The following SRA1 variants were observed in gnomAD, a reference collection of about 807,000 sequenced individuals.
The protein encoded by SRA1 is lncRNA SRA.
Under a neutral mutation model 24.3 loss-of-function variants are expected in SRA1, and 25 were observed. That is an observed-to-expected ratio of 1.03 (90% confidence interval 0.75 to 1.43). The LOEUF is 1.43. Among genes scored for constraint, SRA1 ranks in the 40% most tolerant of loss-of-function variants. The pLI, the probability that SRA1 is intolerant of heterozygous loss-of-function variation, is 0.00. For synonymous variants in SRA1, 104 were observed against 109.5 expected, an observed-to-expected ratio of 0.95 and a Z score of 0.31; for missense variants, 303 against 286.6, an observed-to-expected ratio of 1.06 and a Z score of -0.41.
chr5:140,557,106 C>CAG, intron 2 of SRA1, 41 bp downstream of exon 2: 1 of 1,222,968 alleles, frequency 8.2e-7, no homozygotes, highest in East Asian at 2.6e-5. Flanking sequence ...CCCCCCCCCC[C>CAG]CCATTCTCCG....
chr5:140,551,149 G>A lies in SRA1; in HGVS notation c.375C>T (p.Ile125=), dbSNP rs1419877548. Residue 125 remains isoleucine, a synonymous_variant, in exon 4 of 5, where the codon ATC becomes ATT. Transcript: ENST00000336283. The part of the protein sequence containing the change: ...GHTRKQVCDD[I]SRRLALLQEQ... Reference sequence around the variant, plus strand: ...CCTGCAGCAGTGCCAGGCGTCGGCTGATGTCATCACATACCTGCTTCTAAG... The same window carrying A: ...CCTGCAGCAGTGCCAGGCGTCGGCTAATGTCATCACATACCTGCTTCTAAG... 6.2e-7 allele frequency: 1 copy of A among 1,614,122 alleles called. No individual in the cohort carries two copies. Among genetic ancestry groups the A allele is most frequent in the East Asian group, 2.2e-5 (1 of 44,882 alleles).
At chr5:140,555,919 C>T (rs1754681561) in intron 2 of SRA1, among the ~76,000 whole-genome samples, 1 of 152,200 alleles carries the variant, frequency 6.6e-6, no homozygotes, top group Non-Finnish European at 1.5e-5. Context: ...GCCTATATTA[C>T]CATAATAGCT....
chr5:140,556,280 T>G (rs1203197484), intron 2 of SRA1, among the ~76,000 whole-genome samples: 1 of 151,898 alleles, frequency 6.6e-6, no homozygotes, highest in Non-Finnish European at 1.5e-5. Context: ...TGAGCCCCTT[T>G]ATGGGGGCCA....
At chr5:140,554,599 T>C (rs114536887) in intron 2 of SRA1, among the ~76,000 whole-genome samples, 448 of 152,316 alleles carry the variant, frequency 2.9e-3, no homozygotes, top group Admixed American at 5.0e-3. Flanking sequence ...TGTAACTATC[T>C]TCTCTTGCAT....
At position 140,557,463 on chromosome 5, in the gene SRA1, G is replaced by C; in HGVS notation, c.-11C>G. On this transcript the variant is annotated 5_prime_UTR_variant, in exon 1 of 5. Coordinates refer to ENST00000336283, the MANE Select transcript of SRA1 (RefSeq NM_001035235.4). ...GTACAGCTCCGCCATCTCCACTTCCGCTTGGCCAGCGGGGCAGCGCGTCAT... is the reference window on the plus strand; with the variant it reads ...GTACAGCTCCGCCATCTCCACTTCCCCTTGGCCAGCGGGGCAGCGCGTCAT... The C allele has an allele frequency of 6.4e-7, 1 of 1,555,304 alleles. No homozygotes were observed. Among genetic ancestry groups the C allele is most frequent in the Non-Finnish European group, 8.7e-7 (1 of 1,151,286 alleles).
At chr5:140,557,788 T>G, upstream of SRA1, 2 of 466,548 alleles carry the variant, frequency 4.3e-6, no homozygotes, top group Non-Finnish European at 7.6e-6. Flanking sequence ...CCAGGTTGAC[T>G]TCTACAGCCT....
Position 140,550,402 on chromosome 5 carries a change from G to A in SRA1, c.*298C>T. ...AGCAGATCCCTTCCTGATGAATGGA[G>A]AAGGGAGAACAGAGGTTTGCAGATA... On this transcript the variant is annotated 3_prime_UTR_variant, in exon 5 of 5. Transcript: ENST00000336283. The A allele has an allele frequency of 2.3e-6, 1 of 443,740 alleles. No homozygotes were observed. Among genetic ancestry groups the A allele is most frequent in the South Asian group, 2.6e-5 (1 of 39,044 alleles). The allele number at this position is 443,740 out of a possible 1,614,324, so 27.5% of individuals were successfully genotyped here. A position where few individuals can be genotyped will look rare whatever the true frequency, so the allele number is the denominator to read the frequency against.
In SRA1 at chr5:140,554,785, TCTC is replaced by T. The variant is rs373202094; in HGVS notation, c.151+2359_151+2361del. Reference sequence around the variant, plus strand: ...GTCACTCTCTCTACTTTTCACATTCTCTCCTCAGCCCATTCCAGCTGTTTCTGT... The same window carrying T: ...GTCACTCTCTCTACTTTTCACATTCTCTCAGCCCATTCCAGCTGTTTCTGT... On this transcript the variant is annotated intron_variant, in intron 2 of 4. Transcript: ENST00000336283. Among the ~76,000 whole-genome samples, 557 of 152,318 alleles carry T rather than the reference TCTC, an allele frequency of 3.7e-3. 7 individuals carry two copies. Among genetic ancestry groups the T allele is most frequent in the African/African-American group, 0.013 (543 of 41,564 alleles).
intron 3 of SRA1, chr5:140,551,409 C>T (rs1754557882): frequency 2.2e-6 from 1 of 453,012 alleles, no homozygotes; most frequent in African/African-American, 1.9e-5. Context: ...CAGGAATTCT[C>T]TCATCTTCCC....
chr5:140,553,155 T>C (rs112703681), intron 2 of SRA1, among the ~76,000 whole-genome samples: 2,472 of 152,236 alleles, frequency 0.016, 75 homozygotes, highest in African/African-American at 0.056. Context: ...ATGCCACTTA[T>C]TTCACAAGGT....
chr5:140,557,845 T>C (rs1754771206), upstream of SRA1: 2 of 294,682 alleles, frequency 6.8e-6, no homozygotes, highest in Non-Finnish European at 1.3e-5. Flanking sequence ...TCCGGTAGCC[T>C]CACTAGTACT....
Position 140,557,462 on chromosome 5 carries a change from CGCTTG to C in SRA1, c.-15_-11del. On this transcript the variant is annotated 5_prime_UTR_variant, in exon 1 of 5. Transcript: ENST00000336283. ...CGTACAGCTCCGCCATCTCCACTTCCGCTTGGCCAGCGGGGCAGCGCGTCATTTCC... is the reference window on the plus strand; with the variant it reads ...CGTACAGCTCCGCCATCTCCACTTCCGCCAGCGGGGCAGCGCGTCATTTCC... 6.4e-7 allele frequency: 1 copy of C among 1,556,420 alleles called. No homozygotes were observed. The highest frequency in any genetic ancestry group is 8.7e-7 in the Non-Finnish European group (1 of 1,151,750).
At chr5:140,554,166 AC>A (rs1020399317) in intron 2 of SRA1, among the ~76,000 whole-genome samples, 1 of 151,714 alleles carries the variant, frequency 6.6e-6, no homozygotes, top group African/African-American at 2.4e-5. Context: ...CATTAACATC[AC>A]CCCCTTATAA....
intron 2 of SRA1, among the ~76,000 whole-genome samples, chr5:140,554,566 T>C (rs757115864): frequency 6.7e-6 from 1 of 149,452 alleles, no homozygotes; most frequent in Admixed American, 6.7e-5. Flanking sequence ...CTAGCCTCTC[T>C]TGTCTTCTCT....
chr5:140,555,622 C>T (rs116373046), intron 2 of SRA1, among the ~76,000 whole-genome samples: 130 of 152,294 alleles, frequency 8.5e-4, no homozygotes, highest in African/African-American at 3.0e-3. Flanking sequence ...GGCTCTGTCC[C>T]TGGCCATATT....
In SRA1 at chr5:140,551,799, A is replaced by G. The variant is rs17118913; in HGVS notation, c.354+183T>C. On this transcript the variant is annotated intron_variant, in intron 3 of 4. Transcript: ENST00000336283. ...CTACTGATTGGTCTTCAAAAGTCTT[A>G]TTAATGCTCCTGAAATCCTGTGTTC... 4,572 of 552,148 alleles carry G rather than the reference A, an allele frequency of 8.3e-3. 153 individuals are homozygous for G. Among genetic ancestry groups the G allele is most frequent in the African/African-American group, 0.072 (3,821 of 53,030 alleles). The allele number at this position is 552,148 out of a possible 1,614,324, so 34.2% of individuals were successfully genotyped here.
At chr5:140,551,935 G>T (rs1191692500) in intron 3 of SRA1, 47 bp downstream of exon 3, 2 of 1,542,940 alleles carry the variant, frequency 1.3e-6, no homozygotes, top group African/African-American at 2.7e-5. Context: ...TCCTGCATTT[G>T]GCTGTGGATG....
intron 2 of SRA1, among the ~76,000 whole-genome samples, chr5:140,552,688 G>A (rs548151076): frequency 1.3e-5 from 2 of 150,110 alleles, no homozygotes; most frequent in South Asian, 2.1e-4. Context: ...AGTAAACCAG[G>A]CCTGGGCACA....
In SRA1 at chr5:140,557,414, C is replaced by G. The variant is rs431546; in HGVS notation, c.25+14G>C. The G allele has an allele frequency of 1.1e-5, 17 of 1,582,030 alleles. No homozygotes were observed. Among genetic ancestry groups the G allele is most frequent in the Non-Finnish European group, 1.5e-5 (17 of 1,166,242 alleles). On this transcript the variant is annotated intron_variant, in intron 1 of 4. Coordinates refer to ENST00000336283, the MANE Select transcript of SRA1 (RefSeq NM_001035235.4). The stretch of plus-strand genomic sequence containing the variant: ...GGCGACAACCTAGTGCCCTAGCCCG[C>G]CGGCTGCGCTCACCCGGCTTCACGT...
Sources: gnomAD v4.1 joint callset for allele counts (sites outside exome capture counted in the v4.1 genomes callset) on GRCh38, gnomAD v4.1.1 for gene constraint, MANE v1.5 for transcripts, NCBI Gene and HGNC (gene_info 2026-07-23, HGNC 2026-07-21) for gene names.